Variants in RBFOX1 observed in about 807,000 individuals in gnomAD.
RBFOX1 encodes the protein RNA binding protein fox-1 homolog 1.
RBFOX1 carries 8 observed loss-of-function variants against 57.7 expected under a neutral mutation model. That is an observed-to-expected ratio of 0.14 (90% CI 0.08 to 0.25). The LOEUF is 0.25. RBFOX1 is among the 10% of genes least tolerant of loss of function. The pLI is 1.00. For missense variants in RBFOX1, 611 were observed against 548.5 expected (o/e 1.11, Z -1.14); for synonymous variants, 326 against 222.4 (o/e 1.47, Z -4.15).
At chr16:5,750,567 C>A (rs560155670) in intron 3 of RBFOX1, among the ~76,000 whole-genome samples, 71 of 152,356 alleles carry the variant, frequency 4.7e-4, no homozygotes, top group Non-Finnish European at 1.0e-4. Flanking sequence ...TCAGCAATGG[C>A]AGGCGCCCCT....
intron 4 of RBFOX1, among the ~76,000 whole-genome samples, chr16:7,268,030 C>T (rs144075402): frequency 4.6e-5 from 7 of 152,220 alleles, no homozygotes; most frequent in Admixed American, 6.5e-5. Flanking sequence ...CTGTAGCCTA[C>T]GACACATCTA....
intron 4 of RBFOX1, among the ~76,000 whole-genome samples, chr16:7,182,930 T>C (rs1433611723): frequency 4.6e-5 from 7 of 152,204 alleles, no homozygotes; most frequent in Admixed American, 3.3e-4. Flanking sequence ...AATTATCTTA[T>C]TTTCTTTGTT....
chr16:7,245,100 A>G (rs2094235610), intron 4 of RBFOX1, among the ~76,000 whole-genome samples: 1 of 152,182 alleles, frequency 6.6e-6, no homozygotes, highest in Non-Finnish European at 1.5e-5. Flanking sequence ...TAGGTGCTGT[A>G]TGTCCATTTA....
intron 4 of RBFOX1, among the ~76,000 whole-genome samples, chr16:7,475,971 A>AT (rs1567376078): frequency 2.0e-5 from 3 of 151,618 alleles, no homozygotes; most frequent in South Asian, 4.2e-4. Context: ...TATTTTATTT[A>AT]TTTTTTATTT....
At chr16:6,856,147 C>T (rs1022731173) in intron 3 of RBFOX1, among the ~76,000 whole-genome samples, 1 of 151,866 alleles carries the variant, frequency 6.6e-6, no homozygotes, top group Admixed American at 6.6e-5. Flanking sequence ...CTTCCCTTCC[C>T]TTTACCTTCC....
chr16:7,336,024 A>G (rs1373146609), intron 4 of RBFOX1, among the ~76,000 whole-genome samples: 1 of 152,220 alleles, frequency 6.6e-6, no homozygotes, highest in East Asian at 1.9e-4. Context: ...CCCTTGATAG[A>G]GATCCCGATG....
intron 2 of RBFOX1, among the ~76,000 whole-genome samples, chr16:6,646,210 G>A (rs572983268): frequency 2.6e-5 from 4 of 152,208 alleles, no homozygotes; most frequent in Non-Finnish European, 5.9e-5. Flanking sequence ...AGAGACACCG[G>A]CTCTAGGCAG....
intron 4 of RBFOX1, among the ~76,000 whole-genome samples, chr16:7,135,830 G>C (rs1339927653): frequency 6.6e-6 from 1 of 152,208 alleles, no homozygotes; most frequent in Non-Finnish European, 1.5e-5. Flanking sequence ...TTTGACTGCA[G>C]ATTGGCCTTT....
intron 3 of RBFOX1, among the ~76,000 whole-genome samples, chr16:6,953,034 A>G (rs1418046755): frequency 6.6e-6 from 1 of 152,154 alleles, no homozygotes; most frequent in Non-Finnish European, 1.5e-5. Context: ...GGCAATGTAT[A>G]TTAAGCATTA....
intron 4 of RBFOX1, among the ~76,000 whole-genome samples, chr16:5,875,841 T>C (rs2151910052): frequency 6.7e-6 from 1 of 149,380 alleles, no homozygotes; most frequent in Admixed American, 6.7e-5. Context: ...ATTAGAAGAA[T>C]CCCACTTTTT....
At position 5,517,975 on chromosome 16, in the gene RBFOX1, T is replaced by C. The variant is rs2043856993; in HGVS notation, c.258+50721T>C. Among the ~76,000 whole-genome samples the C allele has an allele frequency of 2.0e-5, 3 of 151,388 alleles. No individual in the cohort carries two copies. The South Asian group carries it at 6.2e-4, about 31-fold the overall frequency. ...GTGTGTGTGTGTGTAGTGGCTTTTA[T>C]TGGGAAAAGTTTCTCATGGAGCCCC... On this transcript the variant is annotated intron_variant, in intron 2 of 2. Transcript: ENST00000585867.
intron 2 of RBFOX1, among the ~76,000 whole-genome samples, chr16:5,479,610 T>A (rs1245642281): frequency 4.8e-5 from 7 of 147,210 alleles, no homozygotes; most frequent in Non-Finnish European, 7.6e-5. Flanking sequence ...AATACAAAAA[T>A]TAGCTGCGTG....
intron 5 of RBFOX1, among the ~76,000 whole-genome samples, chr16:7,540,365 G>A (rs1270062753): frequency 6.6e-6 from 1 of 152,182 alleles, no homozygotes; most frequent in African/African-American, 2.4e-5. Flanking sequence ...AGTGGCTCCT[G>A]TACAGATTGC....
intron 13 of RBFOX1, among the ~76,000 whole-genome samples, chr16:7,675,858 C>G (rs1404357296): frequency 6.6e-6 from 1 of 152,140 alleles, no homozygotes; most frequent in East Asian, 1.9e-4. Flanking sequence ...GACACTGGAT[C>G]CTGTTTAACT....
chr16:6,515,646 C>G (rs944314695), intron 2 of RBFOX1, among the ~76,000 whole-genome samples: 1 of 152,104 alleles, frequency 6.6e-6, no homozygotes, highest in African/African-American at 2.4e-5. Flanking sequence ...AGTCTTAAGT[C>G]TAAATAATCT....
chr16:7,075,369 A>G (rs914518368), intron 4 of RBFOX1, among the ~76,000 whole-genome samples: 1 of 152,178 alleles, frequency 6.6e-6, no homozygotes, highest in Admixed American at 6.5e-5. Context: ...GAAGTCAAAA[A>G]CTTTCAGTTG....
intron 1 of RBFOX1, among the ~76,000 whole-genome samples, chr16:6,034,195 G>T (rs187547721): frequency 6.6e-6 from 1 of 151,596 alleles, no homozygotes; most frequent in African/African-American, 2.4e-5. Context: ...ATTAGCTGGG[G>T]GTGGTGGTGG....
chr16:6,192,256 T>C (rs1158908856), intron 1 of RBFOX1, among the ~76,000 whole-genome samples: 2 of 152,132 alleles, frequency 1.3e-5, no homozygotes, highest in East Asian at 1.9e-4. Flanking sequence ...TTCTACCCTA[T>C]TATCTGTAGG....
At chr16:7,522,076 G>T (rs965294793) in intron 5 of RBFOX1, among the ~76,000 whole-genome samples, 1 of 152,174 alleles carries the variant, frequency 6.6e-6, no homozygotes, top group Non-Finnish European at 1.5e-5. Context: ...GGTACTGAGT[G>T]TCCCAGCCCT....
Sources: gnomAD v4.1 joint callset for allele counts (sites outside exome capture counted in the v4.1 genomes callset) on GRCh38, gnomAD v4.1.1 for gene constraint, MANE v1.5 for transcripts, NCBI Gene and HGNC (gene_info 2026-07-23, HGNC 2026-07-21) for gene names.